PRIM2: variants seen among roughly 807,000 people sequenced by gnomAD.
PRIM2 encodes DNA primase large subunit.
PRIM2 carries 39 observed loss-of-function variants against 67.3 expected under a neutral mutation model. The observed-to-expected ratio is 0.58, with a 90% CI of 0.45 to 0.76. The LOEUF (loss-of-function observed/expected upper bound fraction) is 0.76, where lower values mean the gene tolerates loss of function less well. Ranked by LOEUF, PRIM2 falls within the 30% of genes least tolerant of loss-of-function variation. The pLI, the probability that PRIM2 is intolerant of heterozygous loss-of-function variation, is 0.00. For synonymous variants in PRIM2, 143 were observed against 198.7 expected, an observed-to-expected ratio of 0.72 and a Z score of 2.36; for missense variants, 398 against 598.7, an observed-to-expected ratio of 0.66 and a Z score of 3.50.
upstream of PRIM2, among the ~76,000 whole-genome samples, chr6:57,314,590 G>A (rs796799399): frequency 3.3e-5 from 5 of 152,352 alleles, no homozygotes; most frequent in African/African-American, 1.2e-4. Context: ...CCCATGGAGT[G>A]CCAGGCACTG....
chr6:57,467,901 G>T (rs1367771166), intron 7 of PRIM2, among the ~76,000 whole-genome samples: 8 of 152,194 alleles, frequency 5.3e-5, no homozygotes, highest in African/African-American at 1.7e-4. Context: ...GTTGTGAATG[G>T]AAGTTCACTC....
chr6:57,501,230 G>A (rs1774123746), intron 7 of PRIM2, among the ~76,000 whole-genome samples: 1 of 152,138 alleles, frequency 6.6e-6, no homozygotes, highest in Non-Finnish European at 1.5e-5. Context: ...CTTTACTCTT[G>A]AAAAGATATG....
intron 5 of PRIM2, among the ~76,000 whole-genome samples, chr6:57,334,904 G>A (rs1346825938): frequency 2.0e-5 from 3 of 152,204 alleles, no homozygotes; most frequent in Non-Finnish European, 4.4e-5. Flanking sequence ...CTCCCAGCGT[G>A]AGCGACACAG....
At chr6:57,640,914 T>G (rs1777219845) in intron 13 of PRIM2, among the ~76,000 whole-genome samples, 1 of 149,220 alleles carries the variant, frequency 6.7e-6, no homozygotes, top group South Asian at 2.1e-4. Context: ...AGAGCCCACA[T>G]AGCCAAGACA....
the PRIM2 span, among the ~76,000 whole-genome samples, chr6:57,299,449 G>T: frequency 2.0e-5 from 3 of 152,100 alleles, no homozygotes; most frequent in Non-Finnish European, 4.4e-5. Flanking sequence ...TAAGCAGACT[G>T]ACCCTATGCC....
At chr6:57,527,524 T>C (rs1368955686) in intron 8 of PRIM2, among the ~76,000 whole-genome samples, 1 of 152,224 alleles carries the variant, frequency 6.6e-6, no homozygotes, top group Non-Finnish European at 1.5e-5. Flanking sequence ...TAACATTGCC[T>C]ACAGTATTCT....
intron 13 of PRIM2, among the ~76,000 whole-genome samples, chr6:57,640,949 A>C (rs1176705384): frequency 4.8e-4 from 72 of 150,600 alleles, no homozygotes; most frequent in African/African-American, 1.7e-3. Flanking sequence ...AACAAAAAAA[A>C]AACAACGCTA....
the PRIM2 span, among the ~76,000 whole-genome samples, chr6:57,282,177 C>T: frequency 6.6e-6 from 1 of 152,198 alleles, no homozygotes; most frequent in Non-Finnish European, 1.5e-5. Context: ...CTGTCATTTG[C>T]ATAGTTGTGT....
At chr6:57,443,335 C>G (rs2127386264) in intron 7 of PRIM2, among the ~76,000 whole-genome samples, 1 of 152,176 alleles carries the variant, frequency 6.6e-6, no homozygotes, top group East Asian at 1.9e-4. Context: ...TAACATTTTC[C>G]ATATTTGCTG....
chr6:57,596,278 C>T (rs1265668010), intron 10 of PRIM2, among the ~76,000 whole-genome samples: 2 of 150,316 alleles, frequency 1.3e-5, no homozygotes, highest in African/African-American at 2.4e-5. Context: ...GAACACTGCT[C>T]GGCAATAAAA....
intron 10 of PRIM2, among the ~76,000 whole-genome samples, chr6:57,561,211 C>T: frequency 6.6e-6 from 1 of 152,132 alleles, no homozygotes; most frequent in East Asian, 1.9e-4. Flanking sequence ...CATAAACCCA[C>T]CTGTGCTAGC....
chr6:57,353,128 T>C (rs1299945941), intron 5 of PRIM2, among the ~76,000 whole-genome samples: 1 of 131,600 alleles, frequency 7.6e-6, no homozygotes, highest in African/African-American at 3.1e-5. Context: ...TTGAGACCCA[T>C]GGTGAAATCC....
At chr6:57,643,423 C>A (rs1360621851) in intron 13 of PRIM2, among the ~76,000 whole-genome samples, 1 of 152,134 alleles carries the variant, frequency 6.6e-6, no homozygotes, top group Non-Finnish European at 1.5e-5. Flanking sequence ...TCAGACAAAA[C>A]CAGTTACTAA....
the PRIM2 span, among the ~76,000 whole-genome samples, chr6:57,231,204 A>T: frequency 2.6e-5 from 4 of 152,204 alleles, no homozygotes; most frequent in Non-Finnish European, 5.9e-5. Context: ...CATATGTGAG[A>T]TGGTCCAACT....
chr6:57,503,675 G>T (rs1370732894), intron 7 of PRIM2, among the ~76,000 whole-genome samples: 6 of 152,026 alleles, frequency 3.9e-5, no homozygotes, highest in Admixed American at 2.0e-4. Context: ...CTTGAATGCG[G>T]GAGGCGGAGG....
chr6:57,371,399 GT>G (rs1417252799), intron 5 of PRIM2, among the ~76,000 whole-genome samples: 3 of 152,044 alleles, frequency 2.0e-5, no homozygotes, highest in African/African-American at 7.2e-5. Context: ...TGTGGGATTT[GT>G]TTAGTTAGAA....
rs1777342986 is a variant in PRIM2 at position 57,646,727 on chromosome 6, G to A, written c.*569G>A. 1 of 152,122 alleles carries A rather than the reference G, an allele frequency of 6.6e-6. No individual in the cohort carries two copies. Among genetic ancestry groups the A allele is most frequent in the African/African-American group, 2.4e-5 (1 of 41,402 alleles). 9.4% of individuals were successfully genotyped at this position (152,122 alleles called of 1,614,324 possible). ...TATTTTAGGAGATAAAAACAGCTTTGGGGACTGGTTAAAGTCCCCCAGAAA... is the reference window on the plus strand; with the variant it reads ...TATTTTAGGAGATAAAAACAGCTTTAGGGACTGGTTAAAGTCCCCCAGAAA... On this transcript the variant is annotated 3_prime_UTR_variant, in exon 14 of 14. Coordinates refer to ENST00000615550, the MANE Select transcript of PRIM2 (RefSeq NM_000947.5).
intron 13 of PRIM2, among the ~76,000 whole-genome samples, chr6:57,637,625 T>G (rs1777144430): frequency 6.6e-6 from 1 of 151,950 alleles, no homozygotes; most frequent in Non-Finnish European, 1.5e-5. Flanking sequence ...GTATCTGTAG[T>G]CGAATTGACA....
intron 8 of PRIM2, among the ~76,000 whole-genome samples, chr6:57,514,895 G>A (rs1774450568): frequency 6.6e-6 from 1 of 152,132 alleles, no homozygotes; most frequent in Admixed American, 6.6e-5. Context: ...AGCTGCACCG[G>A]AATAGTTGCT....
Sources: gnomAD v4.1 joint callset for allele counts (sites outside exome capture counted in the v4.1 genomes callset) on GRCh38, gnomAD v4.1.1 for gene constraint, MANE v1.5 for transcripts, NCBI Gene and HGNC (gene_info 2026-07-23, HGNC 2026-07-21) for gene names.